Variants in SYT9 observed in about 807,000 individuals in gnomAD.
The protein encoded by SYT9 is synaptotagmin-9.
SYT9 carries 22 observed loss-of-function variants against 48.4 expected under a neutral mutation model. The ratio of observed to expected loss-of-function variants is 0.45; its 90% CI spans 0.32 to 0.65. The LOEUF is 0.65. Ranked by LOEUF, SYT9 falls within the 30% of genes least tolerant of loss-of-function variation. The pLI is 0.03. For synonymous variants in SYT9, 265 were observed against 245.0 expected (o/e 1.08, Z -0.76); for missense variants, 577 against 622.0 (o/e 0.93, Z 0.77).
Position 7,431,732 on chromosome 11 carries a change from A to G in SYT9, c.1467+11097A>G, listed in dbSNP as rs535955309. Among the ~76,000 whole-genome samples the G allele has an allele frequency of 2.2e-4, 33 of 152,350 alleles. No homozygotes were observed. The East Asian group carries it at 3.9e-3, about 18-fold the overall frequency. On this transcript the variant is annotated intron_variant, in intron 6 of 6. Transcript: ENST00000318881. ...CTGCTCCAGCTCTAGCCATGGCTCA[A>G]AGGGGCCCAGGTCCACCTCCAGCTG...
intron 3 of SYT9, among the ~76,000 whole-genome samples, chr11:7,392,507 T>C (rs1846645863): frequency 6.6e-6 from 1 of 152,136 alleles, no homozygotes; most frequent in African/African-American, 2.4e-5. Context: ...TTACTGTAGC[T>C]TTGTAGTATA....
chr11:7,266,520 A>T (rs1158289375), intron 1 of SYT9, among the ~76,000 whole-genome samples: 1 of 152,082 alleles, frequency 6.6e-6, no homozygotes, highest in Non-Finnish European at 1.5e-5. Context: ...TCTAATCCCC[A>T]CAGGTTCAGT....
At chr11:7,423,992 CAGAG>C (rs201281570) in intron 6 of SYT9, among the ~76,000 whole-genome samples, 5 of 152,042 alleles carry the variant, frequency 3.3e-5, no homozygotes, top group African/African-American at 1.2e-4. Context: ...GTATGGAAGA[CAGAG>C]AGAGAGGGAG....
intron 1 of SYT9, among the ~76,000 whole-genome samples, chr11:7,283,117 A>G (rs1848531591): frequency 6.7e-6 from 1 of 149,090 alleles, no homozygotes; most frequent in Non-Finnish European, 1.5e-5. Flanking sequence ...TTTTTGGTTT[A>G]CCAACTTTAG....
intron 3 of SYT9, among the ~76,000 whole-genome samples, chr11:7,382,109 C>T (rs1850576357): frequency 6.6e-6 from 1 of 152,148 alleles, no homozygotes; most frequent in African/African-American, 2.4e-5. Flanking sequence ...GATATGTAAA[C>T]AAGCAACTGA....
chr11:7,454,128 G>C, intron 6 of SYT9: 1 of 985,218 alleles, frequency 1.0e-6, no homozygotes. Flanking sequence ...TCCTTTCCTT[G>C]CTACCTACCT....
Position 7,252,079 on chromosome 11 carries a change from C to T in SYT9, c.-108C>T. Reference sequence around the variant, plus strand: ...AGGCTCGCACCGTTTCTCGGCAGGTCCCTGGCGGTGAGCGCGGACGGCCCG... The same window carrying T: ...AGGCTCGCACCGTTTCTCGGCAGGTTCCTGGCGGTGAGCGCGGACGGCCCG... On this transcript the variant is annotated 5_prime_UTR_variant, in exon 1 of 7. Transcript: ENST00000318881. This position sits in a 1 kb window ranked among gnomAD's most constrained non-coding sequence, Gnocchi z 6.3. 1.6e-6 allele frequency: 2 copies of T among 1,242,518 alleles called. No individual in the cohort carries two copies. Among genetic ancestry groups the T allele is most frequent in the South Asian group, 2.2e-5 (1 of 46,142 alleles). 77.0% of individuals were successfully genotyped at this position (1,242,518 alleles called of 1,614,324 possible).
intron 6 of SYT9, among the ~76,000 whole-genome samples, chr11:7,429,766 G>C (rs1266251353): frequency 6.6e-6 from 1 of 152,038 alleles, no homozygotes; most frequent in Non-Finnish European, 1.5e-5. Flanking sequence ...TCCCATTAAA[G>C]TTTTCCTAAT....
At chr11:7,459,518 AC>A (rs1296560010) in intron 6 of SYT9, among the ~76,000 whole-genome samples, 2 of 152,238 alleles carry the variant, frequency 1.3e-5, no homozygotes, top group African/African-American at 4.8e-5. Context: ...CCCAGATGTG[AC>A]AAATAAGATG....
At position 7,286,073 on chromosome 11, in the gene SYT9, C is replaced by T. The variant is rs188624960; in HGVS notation, c.146-16966C>T. Reference sequence around the variant, plus strand: ...CTTCTGGGGTCTGGAGGATGGTGGCCCTCTTCTCACAGATCCACTAGGCAG... The same window carrying T: ...CTTCTGGGGTCTGGAGGATGGTGGCTCTCTTCTCACAGATCCACTAGGCAG... On this transcript the variant is annotated intron_variant, in intron 1 of 6. Transcript: ENST00000318881. 3.4e-3 allele frequency among the ~76,000 whole-genome samples: 513 copies of T among 152,288 alleles called. 2 individuals carry two copies. The highest frequency in any genetic ancestry group is 6.1e-3 in the Non-Finnish European group (412 of 68,032).
Position 7,404,057 on chromosome 11 carries a change from A to G in SYT9, c.1045-11985A>G, listed in dbSNP as rs543810411. Among the ~76,000 whole-genome samples, 441 of 152,316 alleles carry G rather than the reference A, an allele frequency of 2.9e-3. 3 individuals are homozygous for G. Among genetic ancestry groups the G allele is most frequent in the African/African-American group, 0.01 (428 of 41,586 alleles). ...CCCTGGTAATATTTATTGCTTTGAC[A>G]TATAATTTGTCTGATATTAATTTAG... On this transcript the variant is annotated intron_variant, in intron 3 of 6. Coordinates refer to ENST00000318881, the MANE Select transcript of SYT9 (RefSeq NM_175733.4).
intron 2 of SYT9, among the ~76,000 whole-genome samples, chr11:7,311,705 A>C (rs986659780): frequency 6.6e-6 from 1 of 152,250 alleles, no homozygotes; most frequent in African/African-American, 2.4e-5. Flanking sequence ...TTTGTAAAGA[A>C]AACTCAATAG....
chr11:7,392,372 C>T (rs2134062478), intron 3 of SYT9, among the ~76,000 whole-genome samples: 1 of 152,140 alleles, frequency 6.6e-6, no homozygotes, highest in South Asian at 2.1e-4. Flanking sequence ...AATCTTTTTG[C>T]CATTGCTTAT....
At chr11:7,439,806 C>T (rs946995886) in intron 6 of SYT9, 12 of 152,172 alleles carry the variant, frequency 7.9e-5, no homozygotes, top group African/African-American at 2.2e-4. Context: ...CCCTAACCAC[C>T]GAGGTTTGTA....
chr11:7,253,340 A>G (rs1847908802), intron 1 of SYT9, among the ~76,000 whole-genome samples: 1 of 152,210 alleles, frequency 6.6e-6, no homozygotes, highest in Admixed American at 6.5e-5. Context: ...TGATATTGCT[A>G]TGTATAAATA....
intron 6 of SYT9, chr11:7,454,303 A>G: frequency 3.0e-6 from 3 of 985,068 alleles, no homozygotes; most frequent in Non-Finnish European, 3.6e-6. Flanking sequence ...TTTGCATCTC[A>G]TGATTCCAGA....
intron 3 of SYT9, among the ~76,000 whole-genome samples, chr11:7,352,359 A>G (rs772845050): frequency 5.9e-5 from 9 of 152,180 alleles, no homozygotes; most frequent in African/African-American, 1.9e-4. Flanking sequence ...CCTGTCCCCA[A>G]TATCTACACT....
chr11:7,276,123 TCCCA>T (rs1259838966), intron 1 of SYT9, among the ~76,000 whole-genome samples: 1 of 152,122 alleles, frequency 6.6e-6, no homozygotes, highest in Admixed American at 6.5e-5. Context: ...GTGACACCAG[TCCCA>T]CCCTCAGTCA....
chr11:7,319,486 C>T (rs1337489147), intron 3 of SYT9, among the ~76,000 whole-genome samples: 1 of 151,988 alleles, frequency 6.6e-6, no homozygotes, highest in South Asian at 2.1e-4. Flanking sequence ...GGAATAAAAC[C>T]GTAATTACCA....
Sources: allele counts gnomAD v4.1 joint callset (sites outside exome capture counted in the v4.1 genomes callset), GRCh38; gene constraint gnomAD v4.1.1; non-coding constraint Gnocchi (gnomAD v3.1); transcripts MANE v1.5; gene names NCBI Gene and HGNC (gene_info 2026-07-23, HGNC 2026-07-21).